Variants in CDH6 observed in about 807,000 individuals in gnomAD.
The protein encoded by CDH6 is cadherin 6.
In CDH6, 31 loss-of-function variants were observed where a neutral mutation model predicts 78.0. The observed-to-expected ratio is 0.40, with a 90% confidence interval of 0.30 to 0.54. CDH6 has a LOEUF of 0.54. Among genes scored for constraint, CDH6 ranks in the 20% least tolerant of loss-of-function variants. The pLI is 0.56. For synonymous variants in CDH6, 376 were observed against 368.8 expected (o/e 1.02, Z -0.23); for missense variants, 724 against 975.9 (o/e 0.74, Z 3.44).
Position 31,225,753 on chromosome 5 carries a change from T to C in CDH6, c.-129+31867T>C, listed in dbSNP as rs1741134718. On this transcript the variant is annotated intron_variant, in intron 1 of 11. Transcript: ENST00000265071. ...GTGGGGATTACAATTCGACATGAGA[T>C]TTGGGTGGGGACACAGAGCCAAACC... is the stretch of plus-strand genomic sequence containing the variant. Among the ~76,000 whole-genome samples the C allele has an allele frequency of 3.9e-5, 6 of 152,188 alleles. No homozygotes were observed. In the South Asian group the frequency reaches 1.2e-3, roughly 32 times the overall value.
At position 31,267,176 on chromosome 5, in the gene CDH6, C is replaced by T. The variant is rs373177732; in HGVS notation, c.-128-170C>T. Reference sequence around the variant, plus strand: ...CAACAGCTTCCTACCCAGCACATGCCTTCCATTTAGCATGTCTGGAAGACC... The same window carrying T: ...CAACAGCTTCCTACCCAGCACATGCTTTCCATTTAGCATGTCTGGAAGACC... On this transcript the variant is annotated intron_variant, in intron 1 of 11. Coordinates refer to ENST00000265071, the MANE Select transcript of CDH6 (RefSeq NM_004932.4). Among the ~76,000 whole-genome samples, 18 of 152,244 alleles carry T rather than the reference C, an allele frequency of 1.2e-4. No individual in the cohort carries two copies. The East Asian group carries it at 2.1e-3, about 18-fold the overall frequency.
chr5:31,246,861 TCTC>T (rs1579848311), intron 1 of CDH6, among the ~76,000 whole-genome samples: 2 of 152,142 alleles, frequency 1.3e-5, no homozygotes, highest in African/African-American at 4.8e-5. Context: ...TTCAAGCAAT[TCTC>T]CTGCCTCAGC....
chr5:31,221,314 T>C (rs543562551), intron 1 of CDH6, among the ~76,000 whole-genome samples: 1 of 152,296 alleles, frequency 6.6e-6, no homozygotes, highest in South Asian at 2.1e-4. Context: ...GTTGATTTCA[T>C]AGGCCAGAAC....
At chr5:31,307,766 CT>C (rs558703735) in intron 7 of CDH6, among the ~76,000 whole-genome samples, 30 of 152,038 alleles carry the variant, frequency 2.0e-4, no homozygotes, top group South Asian at 6.2e-4. Flanking sequence ...GATAGATCAA[CT>C]TTTTTTTAAT....
At chr5:31,261,262 C>A (rs1027181612) in intron 1 of CDH6, among the ~76,000 whole-genome samples, 1 of 152,160 alleles carries the variant, frequency 6.6e-6, no homozygotes, top group Non-Finnish European at 1.5e-5. Context: ...AGATTTCAGG[C>A]TCAGAGTTGT....
intron 1 of CDH6, among the ~76,000 whole-genome samples, chr5:31,212,762 G>GCGCA (rs368692703): frequency 1.3e-5 from 2 of 148,180 alleles, no homozygotes; most frequent in African/African-American, 5.0e-5. Flanking sequence ...ACATGAACGT[G>GCGCA]CACACACACA....
chr5:31,260,069 C>CA (rs1410281519), intron 1 of CDH6, among the ~76,000 whole-genome samples: 1 of 152,190 alleles, frequency 6.6e-6, no homozygotes, highest in Non-Finnish European at 1.5e-5. Context: ...AAAGGCATAA[C>CA]AAAAAATGCA....
chr5:31,274,136 T>A (rs1475858372), intron 2 of CDH6, among the ~76,000 whole-genome samples: 1 of 152,252 alleles, frequency 6.6e-6, no homozygotes, highest in Non-Finnish European at 1.5e-5. Context: ...TCATTGGATA[T>A]ACTTCTTAGA....
chr5:31,291,505 T>A (rs1225522036), intron 2 of CDH6, among the ~76,000 whole-genome samples: 1 of 152,190 alleles, frequency 6.6e-6, no homozygotes, highest in Non-Finnish European at 1.5e-5. Flanking sequence ...ATCCTCATTT[T>A]GCAGATAAGA....
intron 1 of CDH6, among the ~76,000 whole-genome samples, chr5:31,221,602 T>A (rs892832482): frequency 1.1e-4 from 16 of 152,122 alleles, no homozygotes; most frequent in African/African-American, 3.6e-4. Flanking sequence ...TGGAAGAAAT[T>A]GGAAGGAATC....
At chr5:31,205,132 T>C (rs182535589) in intron 1 of CDH6, among the ~76,000 whole-genome samples, 195 of 152,366 alleles carry the variant, frequency 1.3e-3, no homozygotes, top group African/African-American at 4.5e-3. Flanking sequence ...CTTGTAACTG[T>C]AAGCACATAG....
At chr5:31,264,059 C>T (rs1039881501) in intron 1 of CDH6, among the ~76,000 whole-genome samples, 1 of 152,194 alleles carries the variant, frequency 6.6e-6, no homozygotes, top group African/African-American at 2.4e-5. Flanking sequence ...GGTGACAAGT[C>T]ACACAGTATC....
intron 4 of CDH6, among the ~76,000 whole-genome samples, chr5:31,298,027 T>C (rs1015346420): frequency 1.3e-5 from 2 of 152,162 alleles, no homozygotes; most frequent in Non-Finnish European, 2.9e-5. Context: ...CCACTAAGAT[T>C]TTGCATTGTT....
chr5:31,299,588 C>T lies in CDH6; in HGVS notation c.768C>T (p.Ile256=), dbSNP rs1461367209. ...TATCTGGGACCACCACCGTGAACATCACACTGACTGATGTCAACGACAACC... is the reference window on the plus strand; with the variant it reads ...TATCTGGGACCACCACCGTGAACATTACACTGACTGATGTCAACGACAACC... ...GGLSGTTTVN[I]TLTDVNDNPP... is the part of the protein sequence containing the mutation. The change falls in exon 5 of 12, where the codon ATC becomes ATT. Residue 256 remains isoleucine, a synonymous_variant. Coordinates refer to ENST00000265071, the MANE Select transcript of CDH6 (RefSeq NM_004932.4). 1.2e-6 allele frequency: 2 copies of T among 1,613,938 alleles called. No individual in the cohort carries two copies. Among genetic ancestry groups the T allele is most frequent in the South Asian group, 2.2e-5 (2 of 91,060 alleles).
intron 2 of CDH6, among the ~76,000 whole-genome samples, chr5:31,288,442 G>A (rs1312963684): frequency 6.6e-6 from 1 of 152,116 alleles, no homozygotes; most frequent in Non-Finnish European, 1.5e-5. Flanking sequence ...TGTACTTCAA[G>A]CAAGTTCAAT....
chr5:31,204,098 G>A (rs957800222), intron 1 of CDH6, among the ~76,000 whole-genome samples: 1 of 152,206 alleles, frequency 6.6e-6, no homozygotes, highest in Non-Finnish European at 1.5e-5. Flanking sequence ...TTGCATTTAA[G>A]ATAAGAATGC....
chr5:31,261,953 G>T (rs985760785), intron 1 of CDH6, among the ~76,000 whole-genome samples: 1 of 152,092 alleles, frequency 6.6e-6, no homozygotes, highest in Non-Finnish European at 1.5e-5. Flanking sequence ...AATTATTTGC[G>T]AATAAAAGTT....
intron 2 of CDH6, among the ~76,000 whole-genome samples, chr5:31,274,112 A>G (rs554191022): frequency 6.6e-6 from 1 of 152,246 alleles, no homozygotes; most frequent in Non-Finnish European, 1.5e-5. Flanking sequence ...GAAAAAGTGC[A>G]TGCATACACT....
rs1182423437 is a variant in CDH6 at position 31,325,394 on chromosome 5, T to A, written c.*2086T>A. 8.6e-6 allele frequency: 2 copies of A among 231,516 alleles called. No individual in the cohort carries two copies. Among genetic ancestry groups the A allele is most frequent in the Non-Finnish European group, 1.7e-5 (2 of 117,226 alleles). 14.3% of individuals were successfully genotyped at this position (231,516 alleles called of 1,614,324 possible). A position where few individuals can be genotyped will look rare whatever the true frequency, so the allele number is the denominator to read the frequency against. On this transcript the variant is annotated 3_prime_UTR_variant, in exon 12 of 12. Transcript: ENST00000265071. ...AGGCTATATGAGGTCTTCACTCTAA[T>A]GAATTGATATGTATCATAGTCACAG... is the stretch of plus-strand genomic sequence containing the variant.
Sources: allele counts gnomAD v4.1 joint callset (sites outside exome capture counted in the v4.1 genomes callset), GRCh38; gene constraint gnomAD v4.1.1; transcripts MANE v1.5; gene names NCBI Gene and HGNC (gene_info 2026-07-23, HGNC 2026-07-21).